TMEM117: variants seen among roughly 807,000 people sequenced by gnomAD.
TMEM117 encodes transmembrane protein 117.
In TMEM117, 27 loss-of-function variants were observed where a neutral mutation model predicts 52.4. That is an observed-to-expected ratio of 0.51 (90% CI 0.38 to 0.71). TMEM117 has a LOEUF of 0.71. Among genes scored for constraint, TMEM117 ranks in the 30% least tolerant of loss-of-function variants. The pLI, the probability that TMEM117 is intolerant of heterozygous loss-of-function variation, is 0.00. For missense variants in TMEM117, 556 were observed against 630.5 expected (o/e 0.88, Z 1.26); for synonymous variants, 215 against 206.3 (o/e 1.04, Z -0.36).
chr12:44,391,328 A>T (rs1235370885), downstream of TMEM117, among the ~76,000 whole-genome samples: 1 of 152,138 alleles, frequency 6.6e-6, no homozygotes, highest in African/African-American at 2.4e-5. Context: ...ATAATTAGTT[A>T]CCCTATTTTC....
the TMEM117 span, among the ~76,000 whole-genome samples, chr12:43,816,303 C>T: frequency 6.6e-5 from 10 of 152,196 alleles, no homozygotes; most frequent in African/African-American, 2.4e-4. Context: ...TCTGACTTTA[C>T]TCACCTCCTG....
At chr12:44,198,313 A>AT (rs1030162591) in intron 4 of TMEM117, among the ~76,000 whole-genome samples, 4 of 152,208 alleles carry the variant, frequency 2.6e-5, no homozygotes, top group Non-Finnish European at 5.9e-5. Context: ...TGAAATTTAG[A>AT]TTTTGTTTCC....
At position 43,841,607 on chromosome 12, in the gene TMEM117, C is replaced by G. The variant is rs115535944; in HGVS notation, c.-28-3017C>G. 7.6e-3 allele frequency among the ~76,000 whole-genome samples: 1,154 copies of G among 152,228 alleles called. 24 individuals carry two copies. The highest frequency in any genetic ancestry group is 0.026 in the African/African-American group (1,079 of 41,532). ...ATAGCCCACGAAGCAAGTTTCCGAACTTAAAAACAACAAGAAAATAAGTAT... is the reference window on the plus strand; with the variant it reads ...ATAGCCCACGAAGCAAGTTTCCGAAGTTAAAAACAACAAGAAAATAAGTAT... On this transcript the variant is annotated intron_variant, in intron 1 of 7. Coordinates refer to ENST00000266534, the MANE Select transcript of TMEM117 (RefSeq NM_032256.3).
chr12:44,072,204 T>G (rs1947312188), intron 3 of TMEM117, among the ~76,000 whole-genome samples: 1 of 150,558 alleles, frequency 6.6e-6, no homozygotes, highest in Non-Finnish European at 1.5e-5. Flanking sequence ...TTGGTAATAA[T>G]AGAGAAACAA....
chr12:44,101,628 T>C (rs1947862619), intron 3 of TMEM117, among the ~76,000 whole-genome samples: 1 of 151,962 alleles, frequency 6.6e-6, no homozygotes. Context: ...GGTCTTTCAC[T>C]AGATTACTTA....
intron 3 of TMEM117, among the ~76,000 whole-genome samples, chr12:44,033,427 T>C (rs998416947): frequency 3.3e-5 from 5 of 152,204 alleles, no homozygotes; most frequent in African/African-American, 1.2e-4. Context: ...GAACCCTCTG[T>C]GGGAGCCTGG....
chr12:44,234,158 G>C (rs1047908967), intron 5 of TMEM117, among the ~76,000 whole-genome samples: 1 of 151,276 alleles, frequency 6.6e-6, no homozygotes, highest in African/African-American at 2.4e-5. Context: ...TCTCAGGAAG[G>C]GTTTGTATAA....
At chr12:44,189,460 T>C (rs1222997309) in intron 4 of TMEM117, among the ~76,000 whole-genome samples, 3 of 152,190 alleles carry the variant, frequency 2.0e-5, no homozygotes, top group Non-Finnish European at 4.4e-5. Context: ...TATACAATAG[T>C]ACCCTCCAGG....
chr12:43,810,208 C>A, the TMEM117 span, among the ~76,000 whole-genome samples: 1 of 152,180 alleles, frequency 6.6e-6, no homozygotes, highest in Non-Finnish European at 1.5e-5. Flanking sequence ...GGAAAAGTGC[C>A]TTAGCAACAG....
At chr12:44,154,396 T>C (rs754268642) in intron 4 of TMEM117, among the ~76,000 whole-genome samples, 7 of 152,048 alleles carry the variant, frequency 4.6e-5, no homozygotes, top group Non-Finnish European at 1.0e-4. Flanking sequence ...ATATGAGAAG[T>C]AATGCCTATG....
chr12:43,826,816 G>A, the TMEM117 span, among the ~76,000 whole-genome samples: 1 of 152,112 alleles, frequency 6.6e-6, no homozygotes, highest in Non-Finnish European at 1.5e-5. Context: ...TTCTAATAGA[G>A]TTGCGTGATA....
intron 2 of TMEM117, among the ~76,000 whole-genome samples, chr12:43,893,279 G>T (rs945580806): frequency 2.0e-5 from 3 of 152,174 alleles, no homozygotes; most frequent in Non-Finnish European, 4.4e-5. Flanking sequence ...AAGAATGGAA[G>T]CACAGAGACA....
intron 5 of TMEM117, among the ~76,000 whole-genome samples, chr12:44,236,935 G>A (rs1394426999): frequency 6.6e-6 from 1 of 151,892 alleles, no homozygotes; most frequent in African/African-American, 2.4e-5. Context: ...AAGTCAGGAA[G>A]GAATTATCAG....
At chr12:43,918,998 G>T (rs549737798) in intron 2 of TMEM117, among the ~76,000 whole-genome samples, 5 of 151,926 alleles carry the variant, frequency 3.3e-5, no homozygotes, top group Non-Finnish European at 7.4e-5. Flanking sequence ...CCAGTTTCCT[G>T]CAAGTATTAA....
At chr12:44,277,688 T>TC (rs1293471511) in intron 5 of TMEM117, among the ~76,000 whole-genome samples, 1 of 150,120 alleles carries the variant, frequency 6.7e-6, no homozygotes, top group African/African-American at 2.5e-5. Flanking sequence ...CCACATGATT[T>TC]CCCCCCATTT....
intron 5 of TMEM117, among the ~76,000 whole-genome samples, chr12:44,262,224 A>G (rs1950328658): frequency 6.6e-6 from 1 of 152,174 alleles, no homozygotes; most frequent in Non-Finnish European, 1.5e-5. Context: ...ATTTGTACAC[A>G]CACACTATGC....
chr12:44,148,432 T>C (rs1364767396), intron 4 of TMEM117, among the ~76,000 whole-genome samples: 1 of 152,208 alleles, frequency 6.6e-6, no homozygotes, highest in Non-Finnish European at 1.5e-5. Flanking sequence ...AAGAATATGA[T>C]TTTAGAAAAA....
chr12:44,377,358 A>G (rs537991114), intron 7 of TMEM117, among the ~76,000 whole-genome samples: 23 of 152,276 alleles, frequency 1.5e-4, no homozygotes, highest in African/African-American at 5.1e-4. Context: ...TAGAGCCCCA[A>G]TCAGAACATA....
intron 2 of TMEM117, among the ~76,000 whole-genome samples, chr12:43,916,548 G>A (rs1368490198): frequency 6.6e-6 from 1 of 152,100 alleles, no homozygotes; most frequent in Non-Finnish European, 1.5e-5. Flanking sequence ...ACCATATTTA[G>A]TTGAACATTT....
Sources: gnomAD v4.1 joint callset for allele counts (sites outside exome capture counted in the v4.1 genomes callset) on GRCh38, gnomAD v4.1.1 for gene constraint, MANE v1.5 for transcripts, NCBI Gene and HGNC (gene_info 2026-07-23, HGNC 2026-07-21) for gene names.